The following PEX7 variants were observed in gnomAD, a reference collection of about 807,000 sequenced individuals.
PEX7 encodes the protein peroxisomal biogenesis factor 7.
PEX7 carries 34 observed loss-of-function variants against 47.5 expected under a neutral mutation model. The observed-to-expected ratio is 0.72, with a 90% CI of 0.54 to 0.95. The LOEUF (loss-of-function observed/expected upper bound fraction) is 0.95, where lower values mean the gene tolerates loss of function less well. Ranked by LOEUF, PEX7 falls within the 40% of genes least tolerant of loss-of-function variation. PEX7 has a pLI of 0.00. For missense variants in PEX7, 394 were observed against 400.3 expected (o/e 0.98, Z 0.13); for synonymous variants, 141 against 148.8 (o/e 0.95, Z 0.38).
At position 136,858,772 on chromosome 6, in the gene PEX7, C is replaced by T. The variant is rs150087116; in HGVS notation, c.527-7855C>T. 5.9e-5 allele frequency among the ~76,000 whole-genome samples: 9 copies of T among 152,228 alleles called. No individual in the cohort carries two copies. In the East Asian group the frequency reaches 1.7e-3, roughly 29 times the overall value. On this transcript the variant is annotated intron_variant, in intron 5 of 9. Transcript: ENST00000318471. The stretch of plus-strand genomic sequence containing the variant: ...AAAAATCTACAGAATGGTTTCAGTG[C>T]CGAATTCAGAGAAGTGGTTGCTTTA...
chr6:136,873,916 A>G (rs1775223677), intron 8 of PEX7, among the ~76,000 whole-genome samples: 1 of 152,056 alleles, frequency 6.6e-6, no homozygotes, highest in Non-Finnish European at 1.5e-5. Context: ...AGATATGGCT[A>G]TGATGTATTA....
At chr6:136,888,594 A>G (rs1455450074) in intron 8 of PEX7, among the ~76,000 whole-genome samples, 1 of 152,126 alleles carries the variant, frequency 6.6e-6, no homozygotes, top group African/African-American at 2.4e-5. Context: ...TTGCAAGGAT[A>G]TTTTAGTACT....
intron 5 of PEX7, among the ~76,000 whole-genome samples, chr6:136,846,719 A>G (rs1430475008): frequency 2.0e-5 from 3 of 152,178 alleles, no homozygotes; most frequent in African/African-American, 7.2e-5. Context: ...TATATGTGCC[A>G]CATTTTCTTG....
At chr6:136,909,871 T>G (rs1215793428) in intron 9 of PEX7, among the ~76,000 whole-genome samples, 1 of 152,168 alleles carries the variant, frequency 6.6e-6, no homozygotes, top group African/African-American at 2.4e-5. Context: ...AAACATAATT[T>G]ATAGATACCT....
At chr6:136,862,866 T>C (rs957852210) in intron 5 of PEX7, among the ~76,000 whole-genome samples, 3 of 152,204 alleles carry the variant, frequency 2.0e-5, no homozygotes, top group Non-Finnish European at 4.4e-5. Context: ...TAAGTCTTTA[T>C]AGAATCACTT....
chr6:136,870,687 C>G (rs13204996), intron 7 of PEX7: 33,028 of 366,338 alleles, frequency 0.09, 1,858 homozygotes, highest in Admixed American at 0.13. Flanking sequence ...TTATGTTATT[C>G]CTACTATTTA....
At chr6:136,835,468 T>C (rs534289802) in intron 3 of PEX7, among the ~76,000 whole-genome samples, 1 of 152,092 alleles carries the variant, frequency 6.6e-6, no homozygotes, top group South Asian at 2.1e-4. Flanking sequence ...TTTGTATTTT[T>C]AGTAGAGACA....
chr6:136,825,384 C>T (rs1774169220), intron 2 of PEX7, 113 bp downstream of exon 2: 16 of 873,826 alleles, frequency 1.8e-5, no homozygotes, highest in Non-Finnish European at 3.0e-5. Context: ...GGAACCTTGG[C>T]GTTTGCATAG....
intron 8 of PEX7, among the ~76,000 whole-genome samples, chr6:136,881,702 A>G (rs1278958110): frequency 6.6e-6 from 1 of 152,170 alleles, no homozygotes; most frequent in Admixed American, 6.5e-5. Flanking sequence ...GTTTGTTAAG[A>G]CTGGATGTCA....
intron 8 of PEX7, 106 bp from the exon 9 acceptor site, chr6:136,898,032 CTGAG>C: frequency 2.8e-6 from 2 of 712,846 alleles, no homozygotes; most frequent in Non-Finnish European, 5.0e-6. Flanking sequence ...TATGAATTGG[CTGAG>C]CCTGTTTGGA....
chr6:136,907,231 A>T (rs1213318480), intron 9 of PEX7, among the ~76,000 whole-genome samples: 2 of 152,156 alleles, frequency 1.3e-5, no homozygotes, highest in African/African-American at 2.4e-5. Context: ...ATTAATGTCA[A>T]CCACCTGATA....
chr6:136,850,585 A>T (rs1383588438), intron 5 of PEX7, among the ~76,000 whole-genome samples: 1 of 152,026 alleles, frequency 6.6e-6, no homozygotes, highest in Non-Finnish European at 1.5e-5. Flanking sequence ...AATGATTCCA[A>T]CTCCTAAAGA....
chr6:136,845,129 T>C (rs573115672), intron 3 of PEX7, among the ~76,000 whole-genome samples: 62 of 152,304 alleles, frequency 4.1e-4, no homozygotes, highest in African/African-American at 1.3e-3. Flanking sequence ...AATAGCAGCA[T>C]TGGATAACTA....
intron 5 of PEX7, among the ~76,000 whole-genome samples, chr6:136,863,348 A>C (rs1582755508): frequency 6.6e-6 from 1 of 152,224 alleles, no homozygotes; most frequent in Non-Finnish European, 1.5e-5. Context: ...AGGTCCAAAA[A>C]TGTTTGTTAC....
chr6:136,893,701 A>G (rs1309270694), intron 8 of PEX7, among the ~76,000 whole-genome samples: 1 of 152,244 alleles, frequency 6.6e-6, no homozygotes, highest in Non-Finnish European at 1.5e-5. Flanking sequence ...GTGCCCAAGC[A>G]CTGCAAATGG....
chr6:136,892,187 A>G (rs979191951), intron 8 of PEX7, among the ~76,000 whole-genome samples: 3 of 152,174 alleles, frequency 2.0e-5, no homozygotes, highest in African/African-American at 4.8e-5. Context: ...CTGGCTCATA[A>G]TTTCCTTAGG....
chr6:136,827,419 A>G (rs1361508954), intron 3 of PEX7, among the ~76,000 whole-genome samples: 1 of 152,118 alleles, frequency 6.6e-6, no homozygotes, highest in Non-Finnish European at 1.5e-5. Context: ...TAAAGGAGAA[A>G]TTTTAGTTTC....
At chr6:136,877,387 C>G (rs1442479032) in intron 8 of PEX7, among the ~76,000 whole-genome samples, 4 of 152,090 alleles carry the variant, frequency 2.6e-5, no homozygotes, top group African/African-American at 9.7e-5. Flanking sequence ...GAAGTCTTTG[C>G]CCATGCCTAT....
chr6:136,837,145 G>T (rs755233744), intron 3 of PEX7, among the ~76,000 whole-genome samples: 9 of 151,816 alleles, frequency 5.9e-5, no homozygotes, highest in Non-Finnish European at 1.0e-4. Flanking sequence ...CGGATCACAG[G>T]GTCAGGAGAT....
Sources: allele counts gnomAD v4.1 joint callset (sites outside exome capture counted in the v4.1 genomes callset), GRCh38; gene constraint gnomAD v4.1.1; transcripts MANE v1.5; gene names NCBI Gene and HGNC (gene_info 2026-07-23, HGNC 2026-07-21).